Variants in SUMF1 observed in about 807,000 individuals in gnomAD.
SUMF1 encodes the protein sulfatase modifying factor 1, also known as formylglycine-generating enzyme.
In SUMF1, 48 loss-of-function variants were observed where a neutral mutation model predicts 47.6. The ratio of observed to expected loss-of-function variants is 1.01; its 90% CI spans 0.80 to 1.28. SUMF1 has a LOEUF of 1.28. Ranked by LOEUF, SUMF1 falls within the 50% of genes most tolerant of loss-of-function variation. SUMF1 has a pLI of 0.00. For synonymous variants in SUMF1, 230 were observed against 192.1 expected (o/e 1.20, Z -1.63); for missense variants, 571 against 485.4 (o/e 1.18, Z -1.66).
At chr3:4,291,970 A>C (rs1456991812) in intron 8 of SUMF1, among the ~76,000 whole-genome samples, 1 of 152,172 alleles carries the variant, frequency 6.6e-6, no homozygotes, top group Non-Finnish European at 1.5e-5. Flanking sequence ...TTTTAGATAC[A>C]AGGTTGCTTC....
At chr3:4,082,628 G>T (rs908191583) in intron 8 of SUMF1, among the ~76,000 whole-genome samples, 2 of 152,046 alleles carry the variant, frequency 1.3e-5, no homozygotes, top group Non-Finnish European at 2.9e-5. Context: ...TAGTCAAAAT[G>T]CCTATTGTAA....
chr3:4,445,739 T>C (rs1702759464), intron 3 of SUMF1, among the ~76,000 whole-genome samples: 1 of 152,170 alleles, frequency 6.6e-6, no homozygotes, highest in South Asian at 2.1e-4. Flanking sequence ...CAGAACTAAA[T>C]ATATACACAG....
rs569529073 is a variant in SUMF1 at position 4,455,983 on chromosome 3, T to C, written c.271-2934A>G. 2.0e-4 allele frequency among the ~76,000 whole-genome samples: 31 copies of C among 152,182 alleles called. 1 individual carries two copies. The highest frequency in any genetic ancestry group is 7.5e-4 in the African/African-American group (31 of 41,512). On this transcript the variant is annotated intron_variant, in intron 1 of 8. Transcript: ENST00000272902. ...AGATGCAAACATTCTAACAAAATAC[T>C]AGCAAAGTGAATTCAACAGCACATT...
chr3:4,195,050 A>T (rs1439691047), intron 8 of SUMF1, among the ~76,000 whole-genome samples: 5 of 152,168 alleles, frequency 3.3e-5, no homozygotes, highest in Non-Finnish European at 7.4e-5. Context: ...CTTAAATTCA[A>T]GAAAATAAAA....
rs536334665 is a variant in SUMF1, at chr3:4,162,252, C to G, written c.1015-93507G>C. 2.6e-5 allele frequency among the ~76,000 whole-genome samples: 4 copies of G among 152,266 alleles called. No individual in the cohort carries two copies. In the South Asian group the frequency reaches 6.2e-4, roughly 24 times the overall value. On this transcript the variant is annotated intron_variant and NMD_transcript_variant, in intron 8 of 12. Transcript: ENST00000448413. ...TGGAAGAAAGGAGTTTCTTTTGGAG[C>G]AGCAAGCTGCGCTACCTGAGGTTGG... is the stretch of plus-strand genomic sequence containing the variant.
At chr3:4,451,904 C>G (rs1159455072) in intron 2 of SUMF1, among the ~76,000 whole-genome samples, 4 of 152,036 alleles carry the variant, frequency 2.6e-5, no homozygotes, top group African/African-American at 7.2e-5. Flanking sequence ...AGGATGGTCT[C>G]GATCGCCTGA....
chr3:4,278,701 A>G (rs1575047183), intron 8 of SUMF1, among the ~76,000 whole-genome samples: 2 of 152,296 alleles, frequency 1.3e-5, no homozygotes, highest in South Asian at 2.1e-4. Context: ...ACAAGCAAAA[A>G]GCAAGCTTAT....
Position 4,449,255 on chromosome 3 carries a change from A to C in SUMF1, c.519+11T>G. On this transcript the variant is annotated intron_variant, in intron 3 of 8. Transcript: ENST00000272902. Reference sequence around the variant, plus strand: ...TAGAGAAATACAGGAGCCTGTTGAAACATTACTTACTGCCTGTTGAATATT... The same window carrying C: ...TAGAGAAATACAGGAGCCTGTTGAACCATTACTTACTGCCTGTTGAATATT... 6.2e-7 allele frequency: 1 copy of C among 1,614,132 alleles called. No homozygotes were observed. The highest frequency in any genetic ancestry group is 8.5e-7 in the Non-Finnish European group (1 of 1,179,976).
intron 8 of SUMF1, among the ~76,000 whole-genome samples, chr3:4,262,960 T>G (rs902575783): frequency 1.3e-5 from 2 of 152,196 alleles, no homozygotes; most frequent in Non-Finnish European, 2.9e-5. Flanking sequence ...AGGGCCAGAA[T>G]GATGGCACTA....
At chr3:4,194,702 T>C (rs1030105818) in intron 8 of SUMF1, among the ~76,000 whole-genome samples, 3 of 152,182 alleles carry the variant, frequency 2.0e-5, no homozygotes, top group South Asian at 2.1e-4. Context: ...TCAATAAATT[T>C]TAGCTCTTGT....
At position 4,111,245 on chromosome 3, in the gene SUMF1, C is replaced by T. The variant is rs552733337; in HGVS notation, c.1015-42500G>A. 7.8e-4 allele frequency among the ~76,000 whole-genome samples: 119 copies of T among 151,938 alleles called. 1 individual carries two copies. Among genetic ancestry groups the T allele is most frequent in the Middle Eastern group, 3.4e-3 (1 of 294 alleles). The stretch of plus-strand genomic sequence containing the variant: ...CCTCCATATACTGAGTTTCACTTCC[C>T]GCCAATACTGTATTTTCATTTTCAA... On this transcript the variant is annotated intron_variant and NMD_transcript_variant, in intron 8 of 12. Transcript: ENST00000448413.
At chr3:4,445,824 G>A (rs1246638933) in intron 3 of SUMF1, among the ~76,000 whole-genome samples, 1 of 152,160 alleles carries the variant, frequency 6.6e-6, no homozygotes, top group Non-Finnish European at 1.5e-5. Context: ...CAATTTTCCA[G>A]CTGTGAAACC....
chr3:4,331,746 C>G (rs971798550), intron 8 of SUMF1, among the ~76,000 whole-genome samples: 1 of 152,148 alleles, frequency 6.6e-6, no homozygotes, highest in Non-Finnish European at 1.5e-5. Context: ...AGGAGAATTG[C>G]GTGAACTCAA....
intron 8 of SUMF1, among the ~76,000 whole-genome samples, chr3:4,165,449 A>C (rs1694677691): frequency 6.6e-6 from 1 of 151,998 alleles, no homozygotes; most frequent in African/African-American, 2.4e-5. Context: ...AGATTAAAGG[A>C]GGCTTATCAT....
At chr3:4,242,557 T>C (rs976181040) in intron 8 of SUMF1, among the ~76,000 whole-genome samples, 5 of 152,226 alleles carry the variant, frequency 3.3e-5, no homozygotes, top group African/African-American at 1.2e-4. Flanking sequence ...TTGGTTCTGT[T>C]TATGTGATAG....
Position 4,129,474 on chromosome 3 carries a change from T to C in SUMF1, c.1015-60729A>G, listed in dbSNP as rs1398865910. The stretch of plus-strand genomic sequence containing the variant: ...TAGATCAAATGGAAAAAAAGACTAA[T>C]TTGAATTATAAAAGCAGTGAATCAT... On this transcript the variant is annotated intron_variant and NMD_transcript_variant, in intron 8 of 12. Transcript: ENST00000448413. 2.6e-5 allele frequency among the ~76,000 whole-genome samples: 4 copies of C among 152,196 alleles called. No homozygotes were observed. In the East Asian group the frequency reaches 7.7e-4, roughly 29 times the overall value.
intron 8 of SUMF1, among the ~76,000 whole-genome samples, chr3:4,226,264 C>CTTTT (rs869300368): frequency 7.1e-4 from 62 of 86,968 alleles, no homozygotes; most frequent in Admixed American, 1.1e-3. Flanking sequence ...TTTTTTGTTT[C>CTTTT]TTTTTTTTTT....
chr3:4,175,196 C>T (rs1694930906), intron 8 of SUMF1, among the ~76,000 whole-genome samples: 1 of 152,170 alleles, frequency 6.6e-6, no homozygotes, highest in Non-Finnish European at 1.5e-5. Context: ...CCCAGCATGG[C>T]GTTTGAGCTC....
intron 1 of SUMF1, among the ~76,000 whole-genome samples, chr3:4,458,537 A>T (rs2079725255): frequency 6.6e-6 from 1 of 152,062 alleles, no homozygotes; most frequent in African/African-American, 2.4e-5. Context: ...TATATATATA[A>T]ATGTCAGAAT....
Sources: allele counts gnomAD v4.1 joint callset (sites outside exome capture counted in the v4.1 genomes callset), GRCh38; gene constraint gnomAD v4.1.1; transcripts MANE v1.5; gene names NCBI Gene and HGNC (gene_info 2026-07-23, HGNC 2026-07-21).